The following RABEPK variants were observed in gnomAD, a reference collection of about 807,000 sequenced individuals.
The protein encoded by RABEPK is Rab9 effector protein with kelch motifs.
RABEPK carries 27 observed loss-of-function variants against 34.1 expected under a neutral mutation model. The ratio of observed to expected loss-of-function variants is 0.79; its 90% CI spans 0.58 to 1.09. RABEPK has a LOEUF of 1.09. Ranked by LOEUF, RABEPK falls within the 50% of genes least tolerant of loss-of-function variation. The pLI is 0.00. For synonymous variants in RABEPK, 172 were observed against 169.2 expected, an observed-to-expected ratio of 1.02 and a Z score of -0.13; for missense variants, 449 against 462.6, an observed-to-expected ratio of 0.97 and a Z score of 0.27.
intron 6 of RABEPK, among the ~76,000 whole-genome samples, chr9:125,230,913 C>T (rs1045635005): frequency 2.0e-5 from 3 of 152,056 alleles, no homozygotes; most frequent in Non-Finnish European, 4.4e-5. Flanking sequence ...TTAAAAAGAG[C>T]CTTTTTCTGG....
chr9:125,219,143 T>C (rs1028241891), intron 4 of RABEPK, among the ~76,000 whole-genome samples: 50 of 151,632 alleles, frequency 3.3e-4, no homozygotes, highest in African/African-American at 1.1e-3. Context: ...GGGACTGTTA[T>C]TACTGCTACT....
chr9:125,209,645 C>T (rs1389418980), intron 3 of RABEPK, among the ~76,000 whole-genome samples: 4 of 152,102 alleles, frequency 2.6e-5, no homozygotes, highest in South Asian at 2.1e-4. Flanking sequence ...CCACCGAGCC[C>T]GGCCCCAACC....
intron 7 of RABEPK, among the ~76,000 whole-genome samples, chr9:125,233,352 T>G (rs1044320036): frequency 8.2e-5 from 12 of 145,734 alleles, no homozygotes; most frequent in Admixed American, 7.6e-4. Flanking sequence ...TTTTTTTTTT[T>G]GTCTGAGATG....
At position 125,232,655 on chromosome 9, in the gene RABEPK, C is replaced by T. The variant is rs750755832; in HGVS notation, c.736C>T (p.His246Tyr). 3 of 1,614,168 alleles carry T rather than the reference C, an allele frequency of 1.9e-6. No individual in the cohort carries two copies. The highest frequency in any genetic ancestry group is 2.2e-5 in the East Asian group (1 of 44,876). The change falls in exon 7 of 8, where the codon CAC becomes TAC. Residue 246 changes from histidine to tyrosine, a missense_variant. His to Tyr is a moderately conservative substitution (Grantham distance 83). Transcript: ENST00000373538. Reference protein sequence around the residue: ...TGAAPAGCAAHSAVAMGKHVY... With the variant: ...TGAAPAGCAAYSAVAMGKHVY... ...GGCTGCTCCAGCAGGCTGTGCTGCC[C>T]ACTCAGCTGTGGCCATGGGAAAACA... is the stretch of plus-strand genomic sequence containing the variant.
Position 125,200,795 on chromosome 9 carries a change from A to G in RABEPK, c.-118A>G. On this transcript the variant is annotated 5_prime_UTR_variant, in exon 1 of 8. An upstream start codon of the reference 5' UTR is lost. Transcript: ENST00000373538. ...TATCCCCTAGAACTGCCACGTGGGG[A>G]TGAGATTTGCTGGGCTGGTAGCGGC... 1 of 471,188 alleles carries G rather than the reference A, an allele frequency of 2.1e-6. No individual in the cohort carries two copies. Among genetic ancestry groups the G allele is most frequent in the South Asian group, 1.5e-5 (1 of 64,562 alleles). 29.2% of individuals were successfully genotyped at this position (471,188 alleles called of 1,614,324 possible). A position where few individuals can be genotyped will look rare whatever the true frequency, so the allele number is the denominator to read the frequency against.
intron 2 of RABEPK, among the ~76,000 whole-genome samples, chr9:125,205,784 G>A (rs1237227987): frequency 2.0e-5 from 3 of 152,100 alleles, no homozygotes; most frequent in Non-Finnish European, 2.9e-5. Flanking sequence ...CACTGCGCCC[G>A]GCCCTCAAAG....
chr9:125,201,309 G>A (rs1383802458), intron 1 of RABEPK, among the ~76,000 whole-genome samples: 1 of 152,108 alleles, frequency 6.6e-6, no homozygotes, highest in Non-Finnish European at 1.5e-5. Context: ...AGAACAGGCT[G>A]CAAAATTATG....
intron 5 of RABEPK, among the ~76,000 whole-genome samples, chr9:125,223,283 C>CA (rs1193942961): frequency 6.6e-6 from 1 of 151,574 alleles, no homozygotes; most frequent in African/African-American, 2.4e-5. Flanking sequence ...ACTAAAAATA[C>CA]AAAAAATTAG....
intron 5 of RABEPK, 101 bp downstream of exon 5, chr9:125,220,801 G>A (rs1037941522): frequency 5.9e-6 from 8 of 1,366,160 alleles, no homozygotes; most frequent in Non-Finnish European, 7.8e-6. Context: ...CTGACTAAGT[G>A]TCTCACTTCT....
chr9:125,214,164 G>A (rs1830767769), intron 4 of RABEPK, among the ~76,000 whole-genome samples: 1 of 151,654 alleles, frequency 6.6e-6, no homozygotes, highest in Admixed American at 6.6e-5. Flanking sequence ...TAAAAATAAA[G>A]TCACAAGAGA....
At chr9:125,218,350 AACT>A in intron 4 of RABEPK, among the ~76,000 whole-genome samples, 1 of 149,746 alleles carries the variant, frequency 6.7e-6, no homozygotes, top group East Asian at 2.0e-4. Flanking sequence ...AAAAAAAAAG[AACT>A]GAGTTCAAAC....
At chr9:125,226,594 G>C (rs10986652) in intron 5 of RABEPK, among the ~76,000 whole-genome samples, 7 of 151,836 alleles carry the variant, frequency 4.6e-5, no homozygotes, top group African/African-American at 1.7e-4. Context: ...GGCCGGGCAC[G>C]GTGGCTCACG....
intron 4 of RABEPK, among the ~76,000 whole-genome samples, chr9:125,217,465 A>G (rs1312786939): frequency 6.6e-6 from 1 of 152,044 alleles, no homozygotes; most frequent in African/African-American, 2.4e-5. Context: ...CAGTGGCGCA[A>G]TCTCAGCTCA....
At position 125,234,027 on chromosome 9, in the gene RABEPK, A is replaced by G. The variant is rs1297838027; in HGVS notation, c.*47A>G. 3 of 1,482,596 alleles carry G rather than the reference A, an allele frequency of 2.0e-6. No homozygotes were observed. Among genetic ancestry groups the G allele is most frequent in the Non-Finnish European group, 1.8e-6 (2 of 1,082,602 alleles). The allele number at this position is 1,482,596 out of a possible 1,614,324, so 91.8% of individuals were successfully genotyped here. On this transcript the variant is annotated 3_prime_UTR_variant, in exon 8 of 8. Transcript: ENST00000373538. The stretch of plus-strand genomic sequence containing the variant: ...CTGTCAGTTACTTTCAGAATAGTTA[A>G]GTAAAACATTAGCTGTTTTATACCT...
chr9:125,228,905 G>A (rs1222441032), intron 6 of RABEPK, among the ~76,000 whole-genome samples: 2 of 151,672 alleles, frequency 1.3e-5, no homozygotes, highest in Admixed American at 6.6e-5. Flanking sequence ...AGAGGTTGCA[G>A]TGAGCCGAGA....
At chr9:125,207,766 A>G in intron 3 of RABEPK, 45 bp downstream of exon 3, 1 of 1,604,228 alleles carries the variant, frequency 6.2e-7, no homozygotes. Context: ...GCCAGAGAAC[A>G]GGGCTGTGTG....
chr9:125,200,738 G>C lies in RABEPK; in HGVS notation c.-175G>C, dbSNP rs909243808. On this transcript the variant is annotated 5_prime_UTR_variant, in exon 1 of 8. Coordinates refer to ENST00000373538, the MANE Select transcript of RABEPK (RefSeq NM_005833.4). Reference sequence around the variant, plus strand: ...TGGCTCCGTCCCGGCCACTTTGACCGAATCAGCCTGTTCTTTCCCGACCCC... The same window carrying C: ...TGGCTCCGTCCCGGCCACTTTGACCCAATCAGCCTGTTCTTTCCCGACCCC... 3.0e-5 allele frequency: 14 copies of C among 471,108 alleles called. No individual in the cohort carries two copies. The East Asian group carries it at 7.6e-4, about 26-fold the overall frequency. The allele number at this position is 471,108 out of a possible 1,614,324, so 29.2% of individuals were successfully genotyped here.
At chr9:125,215,809 G>C (rs564071942) in intron 4 of RABEPK, among the ~76,000 whole-genome samples, 61 of 152,164 alleles carry the variant, frequency 4.0e-4, no homozygotes, top group Non-Finnish European at 7.4e-4. Context: ...AAATAAAAAG[G>C]CTAGGTAAAA....
At chr9:125,214,408 A>G (rs1237287108) in intron 4 of RABEPK, among the ~76,000 whole-genome samples, 3 of 152,224 alleles carry the variant, frequency 2.0e-5, no homozygotes, top group African/African-American at 4.8e-5. Flanking sequence ...CTAAAATGTC[A>G]GTAGTGCCAA....
Sources: gnomAD v4.1 joint callset for allele counts (sites outside exome capture counted in the v4.1 genomes callset) on GRCh38, gnomAD v4.1.1 for gene constraint, MANE v1.5 for transcripts, NCBI Gene and HGNC (gene_info 2026-07-23, HGNC 2026-07-21) for gene names.